Variants in ANOS1 observed in about 807,000 individuals in gnomAD.
The protein encoded by ANOS1 is anosmin-1.
Under a neutral mutation model 59.0 loss-of-function variants are expected in ANOS1, and 6 were observed. The ratio of observed to expected loss-of-function variants is 0.10; its 90% CI spans 0.06 to 0.20. The LOEUF (loss-of-function observed/expected upper bound fraction) is 0.20, where lower values mean the gene tolerates loss of function less well. Among genes scored for constraint, ANOS1 ranks in the 10% least tolerant of loss-of-function variants. The probability of loss-of-function intolerance (pLI) is 1.00; values close to 1 mark genes in which losing one functional copy is unlikely to be tolerated. For missense variants in ANOS1, 433 were observed against 542.3 expected, an observed-to-expected ratio of 0.80 and a Z score of 2.00; for synonymous variants, 217 against 223.4, an observed-to-expected ratio of 0.97 and a Z score of 0.25.
chrX:8,592,345 T>G (rs1256727586), intron 4 of ANOS1, among the ~76,000 whole-genome samples: 1 of 112,096 alleles, frequency 8.9e-6, no homozygotes, highest in African/African-American at 3.2e-5. Context: ...GTCTGAAGTT[T>G]CACTATTTGA....
chrX:8,699,542 G>A (rs912724139), intron 2 of ANOS1, among the ~76,000 whole-genome samples, 156 bp downstream of exon 2: 2 of 112,020 alleles, frequency 1.8e-5, no homozygotes, highest in African/African-American at 6.5e-5. Context: ...TCAATTTTGT[G>A]CTTTTGATAT....
rs192022203 is a variant in ANOS1, at chrX:8,572,473, T to C, written c.857-1769A>G. Among the ~76,000 whole-genome samples, 423 of 112,164 alleles carry C rather than the reference T, an allele frequency of 3.8e-3. 1 individual carries two copies. The highest frequency in any genetic ancestry group is 0.013 in the African/African-American group (387 of 30,871). ...TGCAAAGGACATGATCTTGTTCCTT[T>C]TCATGGCTGCATAGTATTCCATGGT... On this transcript the variant is annotated intron_variant, in intron 6 of 13. Coordinates refer to ENST00000262648, the MANE Select transcript of ANOS1 (RefSeq NM_000216.4).
At chrX:8,731,723 G>A (rs1038843455) in intron 1 of ANOS1, 107 bp downstream of exon 1, 11 of 1,109,990 alleles carry the variant, frequency 9.9e-6, no homozygotes, top group Admixed American at 3.1e-5. Flanking sequence ...ATCAGCCGGC[G>A]GCGCTGGCCG....
intron 3 of ANOS1, among the ~76,000 whole-genome samples, chrX:8,612,542 A>C (rs1377636764): frequency 1.1e-5 from 1 of 90,574 alleles, no homozygotes; most frequent in African/African-American, 4.8e-5. Context: ...AAAAACAATA[A>C]AACAAGAAGT....
intron 2 of ANOS1, among the ~76,000 whole-genome samples, chrX:8,684,555 G>A (rs1932475161): frequency 1.8e-5 from 2 of 110,720 alleles, no homozygotes; most frequent in Non-Finnish European, 3.8e-5. Context: ...TTAGGAGGAG[G>A]GGAGGGTTAT....
At position 8,668,428 on chromosome X, in the gene ANOS1, TATAC is replaced by T. The variant is rs1294152924; in HGVS notation, c.255+31266_255+31269del. On this transcript the variant is annotated intron_variant, in intron 2 of 13. Coordinates refer to ENST00000262648, the MANE Select transcript of ANOS1 (RefSeq NM_000216.4). ...ATATATATATATATATATATATATATATACACACACATACATATATATATATGGT... is the reference window on the plus strand; with the variant it reads ...ATATATATATATATATATATATATATACACACATACATATATATATATGGT... Among the ~76,000 whole-genome samples the T allele has an allele frequency of 4.4e-4, 37 of 83,523 alleles. 1 individual carries two copies. Among genetic ancestry groups the T allele is most frequent in the African/African-American group, 1.6e-3 (35 of 22,031 alleles). The allele number at this position is 83,523 out of a possible 115,157, so 72.5% of individuals were successfully genotyped here.
chrX:8,632,786 C>A (rs1169580833), intron 2 of ANOS1, among the ~76,000 whole-genome samples: 1 of 107,422 alleles, frequency 9.3e-6, no homozygotes, highest in Non-Finnish European at 1.9e-5. Flanking sequence ...AAAAAAAAAA[C>A]CTCCAACTTT....
At chrX:8,633,220 T>C (rs1931517817) in intron 2 of ANOS1, among the ~76,000 whole-genome samples, 1 of 111,653 alleles carries the variant, frequency 9.0e-6, no homozygotes, top group Non-Finnish European at 1.9e-5. Context: ...CAACTTGCTC[T>C]GAAACGTCCG....
intron 2 of ANOS1, among the ~76,000 whole-genome samples, chrX:8,626,163 C>T (rs1343778027): frequency 2.0e-5 from 2 of 99,809 alleles, no homozygotes; most frequent in Admixed American, 2.2e-4. Flanking sequence ...TTGATGTTTG[C>T]ATTTAACAGT....
intron 7 of ANOS1, among the ~76,000 whole-genome samples, chrX:8,570,141 A>T (rs1472823720): frequency 2.7e-5 from 2 of 73,965 alleles, no homozygotes; most frequent in South Asian, 5.0e-4. Flanking sequence ...TCTCTCTCTC[A>T]AAAAAAAAAA....
At chrX:8,625,865 CA>C (rs766791301) in intron 2 of ANOS1, among the ~76,000 whole-genome samples, 1 of 110,523 alleles carries the variant, frequency 9.0e-6, no homozygotes, top group Non-Finnish European at 1.9e-5. Context: ...GTAGTCCCAG[CA>C]CTTTGGGAGG....
At chrX:8,590,345 T>A (rs1930595163) in intron 4 of ANOS1, among the ~76,000 whole-genome samples, 2 of 100,254 alleles carry the variant, frequency 2.0e-5, no homozygotes, top group African/African-American at 3.4e-5. Context: ...TTATGGTTTT[T>A]TTGTTTGTTT....
chrX:8,623,098 G>A (rs1931326740), intron 3 of ANOS1, among the ~76,000 whole-genome samples: 1 of 110,829 alleles, frequency 9.0e-6, no homozygotes, highest in African/African-American at 3.3e-5. Context: ...CTGGATAGAT[G>A]AACAGATAGA....
intron 9 of ANOS1, 29 bp downstream of exon 9, chrX:8,553,923 T>A (rs1929897176): frequency 8.5e-7 from 1 of 1,178,266 alleles, no homozygotes; most frequent in Middle Eastern, 2.3e-4. Flanking sequence ...TTAAAGCAAG[T>A]AAGAAATAAG....
chrX:8,561,466 A>ATTT (rs34119310), intron 8 of ANOS1, among the ~76,000 whole-genome samples: 1 of 67,059 alleles, frequency 1.5e-5, no homozygotes, highest in Non-Finnish European at 2.8e-5. Flanking sequence ...TGCCCGGCTA[A>ATTT]TTTTTTTTTT....
At chrX:8,693,393 CT>C (rs1932635313) in intron 2 of ANOS1, among the ~76,000 whole-genome samples, 1 of 111,756 alleles carries the variant, frequency 8.9e-6, no homozygotes, top group Non-Finnish European at 1.9e-5. Flanking sequence ...ATAGTCAGTC[CT>C]AGGATCCATG....
intron 2 of ANOS1, among the ~76,000 whole-genome samples, chrX:8,654,085 C>G (rs1046780964): frequency 1.8e-5 from 2 of 111,623 alleles, no homozygotes; most frequent in Admixed American, 1.9e-4. Flanking sequence ...TCAGATCCTT[C>G]TCTGTCTTTA....
intron 2 of ANOS1, among the ~76,000 whole-genome samples, chrX:8,640,299 A>T (rs1931638627): frequency 9.0e-6 from 1 of 111,007 alleles, no homozygotes; most frequent in African/African-American, 3.3e-5. Context: ...TCACGCCATG[A>T]TCTTCCTAAC....
chrX:8,622,819 A>G (rs1407475166), intron 3 of ANOS1, among the ~76,000 whole-genome samples: 1 of 112,062 alleles, frequency 8.9e-6, no homozygotes, highest in African/African-American at 3.2e-5. Context: ...AGTAAAGCAG[A>G]TCTCCTTTTT....
Sources: allele counts gnomAD v4.1 joint callset (sites outside exome capture counted in the v4.1 genomes callset), GRCh38; gene constraint gnomAD v4.1.1; transcripts MANE v1.5; gene names NCBI Gene and HGNC (gene_info 2026-07-23, HGNC 2026-07-21).